The following SH3BP2 variants were observed in gnomAD, a reference collection of about 807,000 sequenced individuals.
The protein encoded by SH3BP2 is SH3 domain binding protein 2.
Under a neutral mutation model 56.2 loss-of-function variants are expected in SH3BP2, and 38 were observed. The ratio of observed to expected loss-of-function variants is 0.68; its 90% CI spans 0.52 to 0.89. The LOEUF (loss-of-function observed/expected upper bound fraction) is 0.89. Ranked by LOEUF, SH3BP2 falls within the 40% of genes least tolerant of loss-of-function variation. The probability of loss-of-function intolerance (pLI) is 0.00; values close to 1 mark genes in which losing one functional copy is unlikely to be tolerated. For synonymous variants in SH3BP2, 346 were observed against 316.7 expected (o/e 1.09, Z -0.98); for missense variants, 748 against 762.6 (o/e 0.98, Z 0.23).
chr4:2,832,754 G>T (rs371434575), intron 11 of SH3BP2, among the ~76,000 whole-genome samples: 1 of 152,292 alleles, frequency 6.6e-6, no homozygotes, highest in East Asian at 1.9e-4. Flanking sequence ...ATGCTCTCCC[G>T]GGTGTGTCGG....
At chr4:2,806,015 C>G (rs938361882) in intron 1 of SH3BP2, among the ~76,000 whole-genome samples, 1 of 152,226 alleles carries the variant, frequency 6.6e-6, no homozygotes, top group Non-Finnish European at 1.5e-5. Flanking sequence ...TTCCTCCCTT[C>G]CCTTGACACT....
chr4:2,801,486 G>A (rs894570481), intron 1 of SH3BP2, among the ~76,000 whole-genome samples: 1 of 152,146 alleles, frequency 6.6e-6, no homozygotes, highest in Non-Finnish European at 1.5e-5. Flanking sequence ...TCTTGCTCCT[G>A]GGCCTGCCTG....
intron 1 of SH3BP2, among the ~76,000 whole-genome samples, chr4:2,805,292 C>T (rs1159430551): frequency 2.6e-5 from 4 of 152,162 alleles, no homozygotes; most frequent in Non-Finnish European, 4.4e-5. Context: ...GCTGCCCTTG[C>T]CTATCGATGA....
At chr4:2,818,502 G>A (rs913603816) in intron 1 of SH3BP2, 1 of 588,120 alleles carries the variant, frequency 1.7e-6, no homozygotes, top group Non-Finnish European at 2.2e-6. Flanking sequence ...GGCGCTGCTG[G>A]TCGCCCACGC....
intron 2 of SH3BP2, among the ~76,000 whole-genome samples, chr4:2,822,237 C>T (rs949604673): frequency 2.0e-5 from 3 of 152,212 alleles, no homozygotes; most frequent in Admixed American, 6.5e-5. Flanking sequence ...CTCACTGCAG[C>T]CTCGACCTCC....
chr4:2,833,484 C>T, intron 12 of SH3BP2: 2 of 654,182 alleles, frequency 3.1e-6, no homozygotes, highest in South Asian at 3.5e-5. Context: ...GGTGCAGGCT[C>T]CTGGACATGG....
At position 2,822,942 on chromosome 4, in the gene SH3BP2, G is replaced by A; in HGVS notation, c.144G>A (p.Leu48=). ...GTQLQLLKWP[L]RFVIIHKRCV... ...CCTTGCCACCTCCCACAGGGCCCCT[G>A]CGCTTTGTCATCATCCACAAACGCT... Residue 48 remains leucine, a synonymous_variant, in exon 3 of 13, where the codon CTG becomes CTA. Coordinates refer to ENST00000503393, the MANE Select transcript of SH3BP2 (RefSeq NM_001122681.2). 1 of 1,613,928 alleles carries A rather than the reference G, an allele frequency of 6.2e-7. No homozygotes were observed. The highest frequency in any genetic ancestry group is 8.5e-7 in the Non-Finnish European group (1 of 1,179,876).
Position 2,837,420 on chromosome 4 carries a change from A to C in SH3BP2, c.*3586A>C, listed in dbSNP as rs1323364905. On this transcript the variant is annotated 3_prime_UTR_variant, in exon 13 of 13. Transcript: ENST00000503393. The stretch of plus-strand genomic sequence containing the variant: ...GGAGCTCCCCTGCTGGTTGGGGCTC[A>C]GCGCAGCCCCAGGGAGGTGCTTCCT... 2 of 152,284 alleles carry C rather than the reference A, an allele frequency of 1.3e-5. No homozygotes were observed. The highest frequency in any genetic ancestry group is 4.8e-5 in the African/African-American group (2 of 41,470). The allele number at this position is 152,284 out of a possible 1,614,324, so 9.4% of individuals were successfully genotyped here. A position where few individuals can be genotyped will look rare whatever the true frequency, so the allele number is the denominator to read the frequency against.
At chr4:2,801,155 G>A (rs536363716) in intron 1 of SH3BP2, among the ~76,000 whole-genome samples, 2 of 152,314 alleles carry the variant, frequency 1.3e-5, no homozygotes, top group African/African-American at 2.4e-5. Context: ...GAGAGGCTGC[G>A]GCAGAGGCTG....
Position 2,835,599 on chromosome 4 carries a change from G to A in SH3BP2, c.*1765G>A, listed in dbSNP as rs1372508368. 6.6e-6 allele frequency: 1 copy of A among 152,198 alleles called. No individual in the cohort carries two copies. The highest frequency in any genetic ancestry group is 1.9e-4 in the East Asian group (1 of 5,198). 9.4% of individuals were successfully genotyped at this position (152,198 alleles called of 1,614,324 possible). ...CATGCCACTCCCCACTGTGGCCATA[G>A]TTTCTCTTCCTGTAAAATTTTATTA... On this transcript the variant is annotated 3_prime_UTR_variant, in exon 13 of 13. Transcript: ENST00000503393.
At chr4:2,827,996 A>G (rs1167109355) in intron 7 of SH3BP2, among the ~76,000 whole-genome samples, 1 of 152,136 alleles carries the variant, frequency 6.6e-6, no homozygotes. Flanking sequence ...GGGCAGGTCC[A>G]TGTCCCCATG....
At position 2,839,227 on chromosome 4, in the gene SH3BP2, A is replaced by T. The variant is rs1469434623; in HGVS notation, c.*5393A>T. ...CACTCTGTTGCCCTGGCTGGAGTGC[A>T]GTGGTGCAATCTCAGCTCACTGCAG... is the stretch of plus-strand genomic sequence containing the variant. On this transcript the variant is annotated 3_prime_UTR_variant, in exon 13 of 13. Coordinates refer to ENST00000503393, the MANE Select transcript of SH3BP2 (RefSeq NM_001122681.2). 7.0e-6 allele frequency: 1 copy of T among 143,530 alleles called. No homozygotes were observed. Among genetic ancestry groups the T allele is most frequent in the Admixed American group, 7.1e-5 (1 of 14,068 alleles). The allele number at this position is 143,530 out of a possible 1,614,324, so 8.9% of individuals were successfully genotyped here.
At chr4:2,819,946 G>C (rs946157219) in intron 1 of SH3BP2, among the ~76,000 whole-genome samples, 15 of 152,192 alleles carry the variant, frequency 9.9e-5, no homozygotes, top group Admixed American at 7.9e-4. Flanking sequence ...TCCACTGACT[G>C]TGTGGTCCTC....
chr4:2,800,444 G>A (rs945715803), intron 1 of SH3BP2, among the ~76,000 whole-genome samples: 1 of 152,200 alleles, frequency 6.6e-6, no homozygotes, highest in Non-Finnish European at 1.5e-5. Flanking sequence ...TCCCAGCCAG[G>A]AGGAGGCCCT....
At chr4:2,824,570 A>G (rs1724488539) in intron 3 of SH3BP2, 43 bp from the exon 4 acceptor site, 2 of 1,452,814 alleles carry the variant, frequency 1.4e-6, no homozygotes, top group South Asian at 1.1e-5. Flanking sequence ...GGCCATCCCT[A>G]TAGCTGTGAA....
In SH3BP2 at chr4:2,810,099, G is replaced by A. The variant is rs1157702302; in HGVS notation, c.-4-10515G>A. ...ATGGCCTGTGTTTAGGAATATGAAC[G>A]GCAGTGTCATATGCCGCAGGGATGA... On this transcript the variant is annotated intron_variant, in intron 1 of 12. Transcript: ENST00000503393. The surrounding 1 kb of genome is among the most constrained non-coding windows in gnomAD (Gnocchi z 4.2). Among the ~76,000 whole-genome samples the A allele has an allele frequency of 6.6e-6, 1 of 152,178 alleles. No homozygotes were observed. The highest frequency in any genetic ancestry group is 2.1e-4 in the South Asian group (1 of 4,834).
At chr4:2,823,439 C>T in intron 3 of SH3BP2, 1 of 460,222 alleles carries the variant, frequency 2.2e-6, no homozygotes, top group Non-Finnish European at 4.4e-6. Context: ...CAAACAGAGG[C>T]TGGGCCCTAG....
intron 1 of SH3BP2, among the ~76,000 whole-genome samples, chr4:2,819,509 G>C (rs1434566929): frequency 6.6e-6 from 1 of 152,202 alleles, no homozygotes. Context: ...CTGGGCATCT[G>C]GGTCTGACCT....
intron 1 of SH3BP2, among the ~76,000 whole-genome samples, chr4:2,802,111 A>T (rs576477189): frequency 6.6e-6 from 1 of 152,090 alleles, no homozygotes; most frequent in South Asian, 2.1e-4. Context: ...ATCTCAAAAA[A>T]AAAGGGGCCG....
Sources: gnomAD v4.1 joint callset for allele counts (sites outside exome capture counted in the v4.1 genomes callset) on GRCh38, gnomAD v4.1.1 for gene constraint, Gnocchi (gnomAD v3.1) non-coding constraint, MANE v1.5 for transcripts, NCBI Gene and HGNC (gene_info 2026-07-23, HGNC 2026-07-21) for gene names.